Variants in ANP32A observed in about 807,000 individuals in gnomAD.
ANP32A encodes the protein acidic leucine-rich nuclear phosphoprotein 32 family member A.
ANP32A carries 1 observed loss-of-function variant against 33.9 expected under a neutral mutation model. That is an observed-to-expected ratio of 0.03 (90% CI 0.01 to 0.14). The LOEUF (loss-of-function observed/expected upper bound fraction) is 0.14, where lower values mean the gene tolerates loss of function less well. Among genes scored for constraint, ANP32A ranks in the 10% least tolerant of loss-of-function variants. The pLI, the probability that ANP32A is intolerant of heterozygous loss-of-function variation, is 1.00. For missense variants in ANP32A, 155 were observed against 306.0 expected, an observed-to-expected ratio of 0.51 and a Z score of 3.68; for synonymous variants, 115 against 120.5, an observed-to-expected ratio of 0.95 and a Z score of 0.30.
At position 68,798,737 on chromosome 15, in the gene ANP32A, A is replaced by G. The variant is rs770802301; in HGVS notation, c.55-10818T>C. 2.1e-3 allele frequency among the ~76,000 whole-genome samples: 323 copies of G among 152,302 alleles called. 2 individuals are homozygous for G. The highest frequency in any genetic ancestry group is 3.4e-3 in the Non-Finnish European group (233 of 68,016). ...CTCAGCCCCTGCTCTCCCCACCACC[A>G]CCTTCCACACATCCATGCAGAGCTG... On this transcript the variant is annotated intron_variant, in intron 1 of 6. Coordinates refer to ENST00000465139, the MANE Select transcript of ANP32A (RefSeq NM_006305.4).
intron 5 of ANP32A, 154 bp downstream of exon 5, chr15:68,782,802 C>T: frequency 7.5e-7 from 1 of 1,340,054 alleles, no homozygotes; most frequent in Admixed American, 2.8e-5. Context: ...AGAAACAGCC[C>T]AGTGAAAGGC....
chr15:68,785,487 A>C (rs1054993433), intron 3 of ANP32A, among the ~76,000 whole-genome samples: 2 of 152,184 alleles, frequency 1.3e-5, no homozygotes, highest in African/African-American at 4.8e-5. Flanking sequence ...CAGGTCTAAC[A>C]AGGGAGTGAA....
intron 1 of ANP32A, among the ~76,000 whole-genome samples, chr15:68,810,413 A>AGT (rs1029248521): frequency 2.0e-4 from 30 of 151,838 alleles, no homozygotes; most frequent in African/African-American, 1.9e-4. Context: ...GAGGATCATG[A>AGT]GTGTGTGTGT....
chr15:68,793,203 A>G (rs904805990), intron 1 of ANP32A, among the ~76,000 whole-genome samples: 2 of 152,236 alleles, frequency 1.3e-5, no homozygotes, highest in African/African-American at 4.8e-5. Context: ...CTGCTTAACA[A>G]ATGTCCTGTT....
At chr15:68,796,284 T>C (rs971968067) in intron 1 of ANP32A, among the ~76,000 whole-genome samples, 3 of 152,186 alleles carry the variant, frequency 2.0e-5, no homozygotes, top group African/African-American at 7.2e-5. Flanking sequence ...TTTCACCATG[T>C]TGGTCAGGCT....
chr15:68,819,055 A>C (rs1484877388), intron 1 of ANP32A, among the ~76,000 whole-genome samples: 1 of 152,150 alleles, frequency 6.6e-6, no homozygotes, highest in African/African-American at 2.4e-5. Context: ...GGTAGACAAA[A>C]AGGATCTTGT....
intron 1 of ANP32A, among the ~76,000 whole-genome samples, chr15:68,807,976 C>T (rs1894259655): frequency 6.6e-6 from 1 of 152,168 alleles, no homozygotes; most frequent in African/African-American, 2.4e-5. Flanking sequence ...ATGAAAAATT[C>T]CAAGTGTGAT....
intron 1 of ANP32A, among the ~76,000 whole-genome samples, chr15:68,796,958 G>A (rs1432920813): frequency 1.3e-5 from 2 of 152,086 alleles, no homozygotes; most frequent in African/African-American, 4.8e-5. Flanking sequence ...CAATTTCATG[G>A]GTCAAGGGGC....
At chr15:68,794,959 G>A (rs974061806) in intron 1 of ANP32A, among the ~76,000 whole-genome samples, 3 of 152,152 alleles carry the variant, frequency 2.0e-5, no homozygotes, top group Non-Finnish European at 2.9e-5. Flanking sequence ...TATGTGTAAC[G>A]TGACCTACAG....
intron 1 of ANP32A, among the ~76,000 whole-genome samples, chr15:68,797,293 G>GGATCA (rs542415035): frequency 2.4e-3 from 366 of 152,108 alleles, no homozygotes; most frequent in African/African-American, 8.5e-3. Flanking sequence ...GGAGAGACCA[G>GGATCA]GATCACCCAT....
rs1198509223 is a variant in ANP32A, at chr15:68,780,600, A to G, written c.625-127T>C. 1.4e-6 allele frequency: 2 copies of G among 1,452,668 alleles called. No homozygotes were observed. The highest frequency in any genetic ancestry group is 1.8e-6 in the Non-Finnish European group (2 of 1,095,230). The allele number at this position is 1,452,668 out of a possible 1,614,324, so 90.0% of individuals were successfully genotyped here. On this transcript the variant is annotated intron_variant, in intron 5 of 6. Coordinates refer to ENST00000465139, the MANE Select transcript of ANP32A (RefSeq NM_006305.4). This position sits in a 1 kb window ranked among gnomAD's most constrained non-coding sequence, Gnocchi z 4.3. ...CTCAGAGCCCCCACCAAGACTTGAC[A>G]TCTCGGGAGGAATGTAAAGCAGAGG...
Position 68,820,883 on chromosome 15 carries a change from C to G in ANP32A, c.-132G>C. The stretch of plus-strand genomic sequence containing the variant: ...GCTCGGTTCTCGAGCCCCCAGCACC[C>G]GCGGCGCACACTAACCTGATCGCCG... On this transcript the variant is annotated 5_prime_UTR_variant, in exon 1 of 7. Coordinates refer to ENST00000465139, the MANE Select transcript of ANP32A (RefSeq NM_006305.4). 1.8e-6 allele frequency: 2 copies of G among 1,088,632 alleles called. No homozygotes were observed. The highest frequency in any genetic ancestry group is 2.7e-6 in the Non-Finnish European group (2 of 739,376). 67.4% of individuals were successfully genotyped at this position (1,088,632 alleles called of 1,614,324 possible).
intron 1 of ANP32A, among the ~76,000 whole-genome samples, chr15:68,816,189 C>T (rs924083888): frequency 6.6e-6 from 1 of 152,142 alleles, no homozygotes; most frequent in East Asian, 1.9e-4. Flanking sequence ...ATAGAAAACT[C>T]ATTCTCTTTC....
intron 1 of ANP32A, among the ~76,000 whole-genome samples, chr15:68,817,191 C>A (rs1894394119): frequency 6.6e-6 from 1 of 152,210 alleles, no homozygotes; most frequent in Non-Finnish European, 1.5e-5. Flanking sequence ...AGTCAACATC[C>A]GGAGAAAGGC....
In ANP32A at chr15:68,780,155, G is replaced by A. The variant is rs1160733104; in HGVS notation, c.689-13C>T. 1 of 1,613,588 alleles carries A rather than the reference G, an allele frequency of 6.2e-7. No homozygotes were observed. Among genetic ancestry groups the A allele is most frequent in the Admixed American group, 1.7e-5 (1 of 59,938 alleles). On this transcript the variant is annotated splice_polypyrimidine_tract_variant and intron_variant, in intron 6 of 6. Transcript: ENST00000465139. The surrounding 1 kb of genome is among the most constrained non-coding windows in gnomAD (Gnocchi z 4.3). Reference sequence around the variant, plus strand: ...CCCCTTTCTTCTTCTGGAAAAGTAAGAAAGCGGCATTTAGATTAGTTATTA... The same window carrying A: ...CCCCTTTCTTCTTCTGGAAAAGTAAAAAAGCGGCATTTAGATTAGTTATTA...
chr15:68,780,270 A>T lies in ANP32A; in HGVS notation c.689-128T>A. The T allele has an allele frequency of 1.3e-6, 2 of 1,563,906 alleles. No homozygotes were observed. The highest frequency in any genetic ancestry group is 1.7e-6 in the Non-Finnish European group (2 of 1,153,890). On this transcript the variant is annotated intron_variant, in intron 6 of 6. Transcript: ENST00000465139. This position sits in a 1 kb window ranked among gnomAD's most constrained non-coding sequence, Gnocchi z 4.3. The stretch of plus-strand genomic sequence containing the variant: ...CCATCCTTGGAAACCGAGGCAAGAC[A>T]TCTGCACAGCTGGAAGGGGAATCTG...
At chr15:68,797,884 G>A (rs1255080471) in intron 1 of ANP32A, among the ~76,000 whole-genome samples, 1 of 152,198 alleles carries the variant, frequency 6.6e-6, no homozygotes, top group East Asian at 1.9e-4. Context: ...TCCCCAGAGG[G>A]GCTGGCTTTC....
intron 3 of ANP32A, 127 bp from the exon 4 acceptor site, chr15:68,784,722 A>C: frequency 8.7e-7 from 1 of 1,142,884 alleles, no homozygotes; most frequent in East Asian, 2.5e-5. Context: ...GTGATAAGGA[A>C]GCTTGGATTT....
intron 3 of ANP32A, among the ~76,000 whole-genome samples, chr15:68,786,939 G>C (rs1370852253): frequency 2.6e-5 from 4 of 152,180 alleles, no homozygotes; most frequent in Non-Finnish European, 5.9e-5. Context: ...ACGGCTCTCA[G>C]TCATTCCAGG....
Sources: allele counts gnomAD v4.1 joint callset (sites outside exome capture counted in the v4.1 genomes callset), GRCh38; gene constraint gnomAD v4.1.1; non-coding constraint Gnocchi (gnomAD v3.1); transcripts MANE v1.5; gene names NCBI Gene and HGNC (gene_info 2026-07-23, HGNC 2026-07-21).